ULK4: variants seen among roughly 807,000 people sequenced by gnomAD.
ULK4 encodes the protein inactive serine/threonine-protein kinase ULK4.
ULK4 carries 133 observed loss-of-function variants against 160.6 expected under a neutral mutation model. The observed-to-expected ratio is 0.83, with a 90% CI of 0.72 to 0.96. The LOEUF (loss-of-function observed/expected upper bound fraction) is 0.96. Ranked by LOEUF, ULK4 falls within the 40% of genes least tolerant of loss-of-function variation. ULK4 has a pLI of 0.00. For missense variants in ULK4, 1,580 were observed against 1,499.5 expected (o/e 1.05, Z -0.89); for synonymous variants, 534 against 539.8 (o/e 0.99, Z 0.15).
At chr3:41,799,282 T>C (rs1183806964) in intron 20 of ULK4, among the ~76,000 whole-genome samples, 2 of 152,234 alleles carry the variant, frequency 1.3e-5, no homozygotes, top group South Asian at 2.1e-4. Context: ...TTCAATAGAG[T>C]ATTAAATTGA....
intron 17 of ULK4, among the ~76,000 whole-genome samples, chr3:41,851,782 C>A (rs2042221131): frequency 6.6e-6 from 1 of 151,758 alleles, no homozygotes; most frequent in Admixed American, 6.6e-5. Flanking sequence ...TAAATGCCCA[C>A]AAGAGAAAGC....
At chr3:41,561,137 A>T (rs182071506) in intron 32 of ULK4, among the ~76,000 whole-genome samples, 3,464 of 152,108 alleles carry the variant, frequency 0.023, 60 homozygotes, top group Non-Finnish European at 0.035. Flanking sequence ...GGTTTTTGTC[A>T]TTGATTCTGT....
intron 32 of ULK4, among the ~76,000 whole-genome samples, chr3:41,493,623 A>G (rs974963046): frequency 7.2e-6 from 1 of 139,182 alleles, no homozygotes; most frequent in African/African-American, 2.7e-5. Context: ...CCCTTCAAAA[A>G]ATCAGGGAAT....
At chr3:41,750,978 G>C (rs1211225025) in intron 22 of ULK4, among the ~76,000 whole-genome samples, 3 of 124,678 alleles carry the variant, frequency 2.4e-5, no homozygotes, top group African/African-American at 1.0e-4. Context: ...AAAAAAGAGA[G>C]AGAGAGAAAG....
intron 35 of ULK4, among the ~76,000 whole-genome samples, chr3:41,280,044 G>A (rs578122358): frequency 2.6e-5 from 4 of 152,104 alleles, no homozygotes; most frequent in Non-Finnish European, 5.9e-5. Flanking sequence ...AACCAAAAAA[G>A]ATCAAAAGAA....
chr3:41,555,111 A>G (rs1458317063), intron 32 of ULK4, among the ~76,000 whole-genome samples: 1 of 152,036 alleles, frequency 6.6e-6, no homozygotes, highest in Non-Finnish European at 1.5e-5. Context: ...ACAAAGAATT[A>G]ATAGGTAAAA....
intron 35 of ULK4, among the ~76,000 whole-genome samples, chr3:41,269,785 T>C (rs1480678971): frequency 1.3e-5 from 2 of 152,176 alleles, no homozygotes; most frequent in Non-Finnish European, 2.9e-5. Flanking sequence ...CCATTTCTTA[T>C]AAAGTTAAGT....
intron 35 of ULK4, among the ~76,000 whole-genome samples, chr3:41,358,503 C>T (rs945287639): frequency 6.6e-6 from 1 of 152,104 alleles, no homozygotes; most frequent in Non-Finnish European, 1.5e-5. Context: ...CAGGGAAGGC[C>T]TCTCTGACAG....
intron 23 of ULK4, among the ~76,000 whole-genome samples, chr3:41,717,185 G>T (rs2037298016): frequency 6.6e-6 from 1 of 151,916 alleles, no homozygotes; most frequent in Admixed American, 6.6e-5. Flanking sequence ...GTGGGTGACG[G>T]ACACCCTAAA....
At chr3:41,459,391 C>T (rs73828042) in intron 33 of ULK4, among the ~76,000 whole-genome samples, 3,639 of 152,188 alleles carry the variant, frequency 0.024, 128 homozygotes, top group African/African-American at 0.079. Flanking sequence ...ATATCTCCAG[C>T]AGGTTTTAGC....
chr3:41,785,376 A>T (rs73828270), intron 21 of ULK4, among the ~76,000 whole-genome samples: 10,978 of 152,284 alleles, frequency 0.072, 1,250 homozygotes, highest in African/African-American at 0.24. Flanking sequence ...AGACGCAGAC[A>T]GAAAACTAGA....
At chr3:41,718,675 C>T (rs919544512) in intron 22 of ULK4, among the ~76,000 whole-genome samples, 3 of 152,158 alleles carry the variant, frequency 2.0e-5, no homozygotes, top group African/African-American at 7.2e-5. Context: ...TACCATCATC[C>T]ATCTATCCAT....
chr3:41,775,521 A>G (rs967726310), intron 21 of ULK4, among the ~76,000 whole-genome samples: 3 of 149,150 alleles, frequency 2.0e-5, no homozygotes, highest in Non-Finnish European at 4.4e-5. Flanking sequence ...GCCTCAGCCT[A>G]CTGAGTAGCT....
intron 35 of ULK4, among the ~76,000 whole-genome samples, chr3:41,312,656 CAAACAAACA>C (rs931416194): frequency 2.0e-5 from 3 of 151,148 alleles, no homozygotes; most frequent in African/African-American, 7.3e-5. Flanking sequence ...AACAAACAAA[CAAACAAACA>C]AAAAAACATT....
At chr3:41,275,957 A>G (rs905952600) in intron 35 of ULK4, among the ~76,000 whole-genome samples, 2 of 152,230 alleles carry the variant, frequency 1.3e-5, no homozygotes, top group African/African-American at 4.8e-5. Context: ...TGGGACATCC[A>G]TGATGCAGAA....
chr3:41,910,315 A>G (rs1235692591), intron 11 of ULK4, among the ~76,000 whole-genome samples: 2 of 152,192 alleles, frequency 1.3e-5, no homozygotes, highest in Non-Finnish European at 2.9e-5. Context: ...TATTAAAAGA[A>G]AGGCTGGGCA....
chr3:41,935,646 C>T (rs1159282047), intron 4 of ULK4, among the ~76,000 whole-genome samples, 155 bp downstream of exon 4: 1 of 152,164 alleles, frequency 6.6e-6, no homozygotes, highest in Non-Finnish European at 1.5e-5. Context: ...CAGGCATGAG[C>T]CACCGTGCCC....
chr3:41,361,176 T>A (rs2081134635), intron 35 of ULK4, among the ~76,000 whole-genome samples: 1 of 152,048 alleles, frequency 6.6e-6, no homozygotes, highest in African/African-American at 2.4e-5. Flanking sequence ...GTGGCACAGG[T>A]GCAGGCAGTT....
At chr3:41,423,947 T>C (rs2082719492) in intron 34 of ULK4, among the ~76,000 whole-genome samples, 1 of 152,152 alleles carries the variant, frequency 6.6e-6, no homozygotes, top group Admixed American at 6.5e-5. Context: ...AGATTTTCAG[T>C]GGCCACTCGG....
Sources: allele counts gnomAD v4.1 joint callset (sites outside exome capture counted in the v4.1 genomes callset), GRCh38; gene constraint gnomAD v4.1.1; transcripts MANE v1.5; gene names NCBI Gene and HGNC (gene_info 2026-07-23, HGNC 2026-07-21).